Variants in CARMIL1 observed in about 807,000 individuals in gnomAD.
CARMIL1 encodes F-actin-uncapping protein LRRC16A.
Under a neutral mutation model 177.1 loss-of-function variants are expected in CARMIL1, and 90 were observed. The observed-to-expected ratio is 0.51, with a 90% CI of 0.43 to 0.61. The LOEUF (loss-of-function observed/expected upper bound fraction) is 0.61. Ranked by LOEUF, CARMIL1 falls within the 20% of genes least tolerant of loss-of-function variation. The probability of loss-of-function intolerance (pLI) is 0.00; values close to 1 mark genes in which losing one functional copy is unlikely to be tolerated. For synonymous variants in CARMIL1, 577 were observed against 606.2 expected, an observed-to-expected ratio of 0.95 and a Z score of 0.71; for missense variants, 1,380 against 1,667.0, an observed-to-expected ratio of 0.83 and a Z score of 3.00.
chr6:25,412,539 C>T (rs1366252444), intron 2 of CARMIL1, among the ~76,000 whole-genome samples: 1 of 152,170 alleles, frequency 6.6e-6, no homozygotes, highest in Non-Finnish European at 1.5e-5. Flanking sequence ...TGTGATCGCT[C>T]CACTGCACCC....
At position 25,487,175 on chromosome 6, in the gene CARMIL1, A is replaced by G. The variant is rs907875703; in HGVS notation, c.962-1307A>G. On this transcript the variant is annotated intron_variant, in intron 12 of 36. Transcript: ENST00000329474. Reference sequence around the variant, plus strand: ...TTATAACTCTCTGAAGCTGGAGAAGACAATGGCCTCTTTATCAGCCCCATA... The same window carrying G: ...TTATAACTCTCTGAAGCTGGAGAAGGCAATGGCCTCTTTATCAGCCCCATA... Among the ~76,000 whole-genome samples the G allele has an allele frequency of 5.9e-5, 9 of 152,332 alleles. No individual in the cohort carries two copies. The South Asian group carries it at 1.7e-3, about 28-fold the overall frequency.
intron 8 of CARMIL1, among the ~76,000 whole-genome samples, chr6:25,454,294 T>TTTTC (rs1299451605): frequency 6.6e-6 from 1 of 152,204 alleles, no homozygotes; most frequent in African/African-American, 2.4e-5. Context: ...ATTTTAGACT[T>TTTTC]TATGAGTCAG....
chr6:25,437,256 A>G (rs545264651), intron 5 of CARMIL1, among the ~76,000 whole-genome samples: 1 of 152,240 alleles, frequency 6.6e-6, no homozygotes, highest in Non-Finnish European at 1.5e-5. Context: ...GCAAGAGCTT[A>G]TAATACCCTG....
intron 20 of CARMIL1, among the ~76,000 whole-genome samples, chr6:25,511,767 C>G (rs1442406376): frequency 1.3e-5 from 2 of 152,172 alleles, no homozygotes; most frequent in Admixed American, 6.5e-5. Flanking sequence ...CCGTTGCCCC[C>G]ACTTCTTTGA....
chr6:25,572,400 G>T (rs1417663732), intron 29 of CARMIL1, among the ~76,000 whole-genome samples: 1 of 152,108 alleles, frequency 6.6e-6, no homozygotes, highest in African/African-American at 2.4e-5. Flanking sequence ...TGTTGAAGGA[G>T]GTGGACATCA....
intron 2 of CARMIL1, among the ~76,000 whole-genome samples, chr6:25,394,608 G>A (rs1323892834): frequency 6.6e-6 from 1 of 152,198 alleles, no homozygotes; most frequent in African/African-American, 2.4e-5. Flanking sequence ...TGTTGGGTTT[G>A]TGCAAGTGGT....
At chr6:25,441,845 C>T (rs1047294105) in intron 5 of CARMIL1, among the ~76,000 whole-genome samples, 8 of 152,032 alleles carry the variant, frequency 5.3e-5, no homozygotes, top group South Asian at 2.1e-4. Context: ...TTACGGCCTT[C>T]AGCTTTTCTA....
At chr6:25,322,253 G>T (rs1358215947) in intron 2 of CARMIL1, among the ~76,000 whole-genome samples, 1 of 152,112 alleles carries the variant, frequency 6.6e-6, no homozygotes, top group Non-Finnish European at 1.5e-5. Context: ...GTTCTGATTA[G>T]CTGGGATTAC....
At chr6:25,549,902 C>T (rs1477462492) in intron 26 of CARMIL1, among the ~76,000 whole-genome samples, 2 of 152,206 alleles carry the variant, frequency 1.3e-5, no homozygotes, top group African/African-American at 2.4e-5. Flanking sequence ...TGAGCTCTTA[C>T]TGTGTGCTAG....
At chr6:25,520,176 G>C (rs1806405142) in intron 22 of CARMIL1, 68 bp from the exon 23 acceptor site, 1 of 743,042 alleles carries the variant, frequency 1.3e-6, no homozygotes, top group East Asian at 2.8e-5. Flanking sequence ...ATTTTTAAAA[G>C]AAGAGTGCTG....
In CARMIL1 at chr6:25,556,608, T is replaced by C; in HGVS notation, c.2593-93T>C. 3 of 1,205,782 alleles carry C rather than the reference T, an allele frequency of 2.5e-6. No individual in the cohort carries two copies. The South Asian group carries it at 4.5e-5, about 18-fold the overall frequency. 74.7% of individuals were successfully genotyped at this position (1,205,782 alleles called of 1,614,324 possible). On this transcript the variant is annotated intron_variant, in intron 28 of 36. Transcript: ENST00000329474. Reference sequence around the variant, plus strand: ...GTCACTCGTCAGCTTTGTGCTCCACTGCGCCATCTTGTGGAAGACGTCTTC... The same window carrying C: ...GTCACTCGTCAGCTTTGTGCTCCACCGCGCCATCTTGTGGAAGACGTCTTC...
intron 2 of CARMIL1, among the ~76,000 whole-genome samples, chr6:25,320,099 A>G (rs1401170922): frequency 2.0e-5 from 3 of 152,186 alleles, no homozygotes; most frequent in Admixed American, 2.0e-4. Flanking sequence ...TAATTGTGGT[A>G]GTTTATGGCA....
chr6:25,491,767 T>C lies in CARMIL1; in HGVS notation c.1101T>C (p.Ile367=), dbSNP rs1471673664. The change falls in exon 14 of 37, where the codon ATT becomes ATC. Residue 367 remains isoleucine, a synonymous_variant. Coordinates refer to ENST00000329474, the MANE Select transcript of CARMIL1 (RefSeq NM_017640.6). ...ATTTTTTGGCCCAGCCAAATGCCAT[T>C]GTTCATCTGGATTTATCCAATACAG... The part of the protein sequence containing the change: ...MYNFLAQPNA[I]VHLDLSNTEC... 1 of 1,601,948 alleles carries C rather than the reference T, an allele frequency of 6.2e-7. No individual in the cohort carries two copies. The highest frequency in any genetic ancestry group is 1.1e-5 in the South Asian group (1 of 89,232).
chr6:25,537,823 T>C, intron 24 of CARMIL1, 32 bp from the exon 25 acceptor site: 1 of 1,608,286 alleles, frequency 6.2e-7, no homozygotes, highest in Non-Finnish European at 8.5e-7. Context: ...CTGGGCTGAC[T>C]TGGATGCTTG....
chr6:25,420,340 G>T lies in CARMIL1; in HGVS notation c.189+176G>T, dbSNP rs952208926. On this transcript the variant is annotated intron_variant, in intron 3 of 36. Transcript: ENST00000329474. The stretch of plus-strand genomic sequence containing the variant: ...TTAAGCTGTGTTCAGATTTCTCTTA[G>T]CACATTCAAGTTTTCCTTCCTTCTT... The T allele has an allele frequency of 4.7e-6, 3 of 638,016 alleles. No individual in the cohort carries two copies. The African/African-American group carries it at 5.5e-5, about 12-fold the overall frequency. The allele number at this position is 638,016 out of a possible 1,614,324, so 39.5% of individuals were successfully genotyped here. A position where few individuals can be genotyped will look rare whatever the true frequency, so the allele number is the denominator to read the frequency against.
At chr6:25,453,749 G>A (rs532072746) in intron 8 of CARMIL1, among the ~76,000 whole-genome samples, 2 of 152,280 alleles carry the variant, frequency 1.3e-5, no homozygotes, top group East Asian at 3.9e-4. Context: ...TTTTAGAGTT[G>A]TTATGAAAAC....
Position 25,515,921 on chromosome 6 carries a change from G to A in CARMIL1, c.1805+74G>A. 1 of 1,464,688 alleles carries A rather than the reference G, an allele frequency of 6.8e-7. No individual in the cohort carries two copies. Among genetic ancestry groups the A allele is most frequent in the Non-Finnish European group, 9.2e-7 (1 of 1,091,772 alleles). The allele number at this position is 1,464,688 out of a possible 1,614,324, so 90.7% of individuals were successfully genotyped here. A position where few individuals can be genotyped will look rare whatever the true frequency, so the allele number is the denominator to read the frequency against. ...TCCGAACAGCAAGCATTGCAGAGCT[G>A]CTGGGCCCGAGGGGACCTGGGCTTC... is the stretch of plus-strand genomic sequence containing the variant. On this transcript the variant is annotated intron_variant, in intron 21 of 36. Transcript: ENST00000329474. This position sits in a 1 kb window ranked among gnomAD's most constrained non-coding sequence, Gnocchi z 5.0.
chr6:25,609,985 C>G, intron 35 of CARMIL1, 65 bp from the exon 36 acceptor site: 1 of 1,434,404 alleles, frequency 7.0e-7, no homozygotes, highest in Non-Finnish European at 9.3e-7. Context: ...ATAGATTTAC[C>G]AGGCTTTATG....
chr6:25,405,240 T>C (rs1452677829), intron 2 of CARMIL1, among the ~76,000 whole-genome samples: 4 of 152,254 alleles, frequency 2.6e-5, no homozygotes, highest in Admixed American at 2.6e-4. Context: ...TTTTTAAAAA[T>C]AGCTTTGCTC....
Sources: allele counts gnomAD v4.1 joint callset (sites outside exome capture counted in the v4.1 genomes callset), GRCh38; gene constraint gnomAD v4.1.1; non-coding constraint Gnocchi (gnomAD v3.1); transcripts MANE v1.5; gene names NCBI Gene and HGNC (gene_info 2026-07-23, HGNC 2026-07-21).